Variants in CEP135 observed in about 807,000 individuals in gnomAD.
The protein encoded by CEP135 is centrosomal protein of 135 kDa.
A neutral mutation model predicts 157.3 loss-of-function variants in CEP135; 142 were observed. The observed-to-expected ratio is 0.90, with a 90% CI of 0.79 to 1.04. CEP135 has a LOEUF of 1.04. Ranked by LOEUF, CEP135 falls within the 50% of genes least tolerant of loss-of-function variation. The probability of loss-of-function intolerance (pLI) is 0.00; values close to 1 mark genes in which losing one functional copy is unlikely to be tolerated. For synonymous variants in CEP135, 396 were observed against 439.8 expected (o/e 0.90, Z 1.25); for missense variants, 1,317 against 1,309.2 (o/e 1.01, Z -0.09).
chr4:56,012,043 GA>G, intron 21 of CEP135, 58 bp downstream of exon 21: 2 of 1,018,582 alleles, frequency 2.0e-6, no homozygotes, highest in Non-Finnish European at 2.7e-6. Context: ...AACATTCAAA[GA>G]TACTTTATTT....
intron 6 of CEP135, among the ~76,000 whole-genome samples, chr4:55,961,764 T>TAAAAAAAAAAA (rs564116620): frequency 7.4e-5 from 4 of 54,210 alleles, no homozygotes; most frequent in East Asian, 1.9e-3. Context: ...AAACTCTGTC[T>TAAAAAAAAAAA]AAAAAAAAAA....
chr4:55,981,494 G>A (rs977159122), intron 13 of CEP135, 115 bp downstream of exon 13: 13 of 769,622 alleles, frequency 1.7e-5, no homozygotes, highest in Non-Finnish European at 2.6e-5. Context: ...GTTTATGTAT[G>A]GCCTGTGAGC....
intron 23 of CEP135, among the ~76,000 whole-genome samples, chr4:56,020,331 G>A (rs1730932062): frequency 6.6e-6 from 1 of 152,116 alleles, no homozygotes; most frequent in Admixed American, 6.5e-5. Flanking sequence ...AGTACACATG[G>A]AAGAATGAGC....
chr4:56,003,400 G>T (rs1730245516), intron 17 of CEP135, among the ~76,000 whole-genome samples: 1 of 152,098 alleles, frequency 6.6e-6, no homozygotes. Context: ...AGTAGAGATG[G>T]GGTTTCACCA....
intron 19 of CEP135, among the ~76,000 whole-genome samples, chr4:56,011,198 G>A (rs894123912): frequency 1.3e-5 from 2 of 152,174 alleles, no homozygotes; most frequent in Non-Finnish European, 2.9e-5. Flanking sequence ...TCACGCCATT[G>A]CACTTCAGTC....
At chr4:55,967,228 C>T (rs1359191291) in intron 8 of CEP135, among the ~76,000 whole-genome samples, 2 of 151,938 alleles carry the variant, frequency 1.3e-5, no homozygotes, top group Non-Finnish European at 2.9e-5. Flanking sequence ...GTCATCATTA[C>T]AATTATTAAT....
intron 25 of CEP135, among the ~76,000 whole-genome samples, chr4:56,025,247 C>A (rs774375166): frequency 1.3e-5 from 2 of 152,162 alleles, no homozygotes; most frequent in African/African-American, 2.4e-5. Flanking sequence ...TCTTGAGTAG[C>A]TGGGACTACA....
intron 10 of CEP135, among the ~76,000 whole-genome samples, chr4:55,973,912 C>T (rs1729107601): frequency 6.6e-6 from 1 of 152,190 alleles, no homozygotes; most frequent in African/African-American, 2.4e-5. Flanking sequence ...GCTTATTTGA[C>T]TGCATTTAAT....
chr4:55,996,625 A>T (rs1288606668), intron 15 of CEP135, among the ~76,000 whole-genome samples: 1 of 152,126 alleles, frequency 6.6e-6, no homozygotes, highest in African/African-American at 2.4e-5. Flanking sequence ...AAGAGATGAT[A>T]CTTATTCATC....
At chr4:56,010,475 C>T (rs1730543968) in intron 19 of CEP135, among the ~76,000 whole-genome samples, 1 of 151,788 alleles carries the variant, frequency 6.6e-6, no homozygotes, top group Non-Finnish European at 1.5e-5. Flanking sequence ...GGTCTTCTCA[C>T]CATTTTGGTC....
intron 13 of CEP135, among the ~76,000 whole-genome samples, chr4:55,982,965 A>G (rs1729462155): frequency 6.6e-6 from 1 of 152,190 alleles, no homozygotes; most frequent in Non-Finnish European, 1.5e-5. Context: ...TGCAATCAGT[A>G]TTATTGAATT....
In CEP135 at chr4:55,964,443, G is replaced by T. The variant is rs751061097; in HGVS notation, c.828+41G>T. ...ATTATTTCACTGAGTGTATATAATG[G>T]TGTTTATAATAAACACTATATGTTT... On this transcript the variant is annotated intron_variant, in intron 7 of 25. Transcript: ENST00000257287. The T allele has an allele frequency of 1.4e-5, 21 of 1,494,174 alleles. No individual in the cohort carries two copies. In the Middle Eastern group the frequency reaches 5.2e-4, roughly 37 times the overall value. 92.6% of individuals were successfully genotyped at this position (1,494,174 alleles called of 1,614,324 possible).
intron 14 of CEP135, among the ~76,000 whole-genome samples, chr4:55,986,641 G>A (rs898519281): frequency 7.9e-5 from 12 of 152,224 alleles, no homozygotes; most frequent in Non-Finnish European, 1.2e-4. Context: ...TAACAATTTG[G>A]TATGTTTCTG....
intron 3 of CEP135, among the ~76,000 whole-genome samples, chr4:55,953,933 AATT>A (rs990815926): frequency 1.1e-4 from 16 of 152,234 alleles, no homozygotes; most frequent in African/African-American, 3.6e-4. Flanking sequence ...CCATGGTATG[AATT>A]CATAATCCTT....
chr4:56,001,685 G>A (rs746088612), intron 17 of CEP135, among the ~76,000 whole-genome samples: 2 of 152,012 alleles, frequency 1.3e-5, no homozygotes, highest in African/African-American at 2.4e-5. Flanking sequence ...CAGTTAGTGC[G>A]ATCTCCAGCT....
intron 13 of CEP135, among the ~76,000 whole-genome samples, chr4:55,983,564 G>A (rs1468678804): frequency 6.6e-6 from 1 of 151,856 alleles, no homozygotes; most frequent in Non-Finnish European, 1.5e-5. Flanking sequence ...CCCTTCCCAT[G>A]TGAGAGGCTC....
At position 55,974,680 on chromosome 4, in the gene CEP135, A is replaced by G. The variant is rs2290014; in HGVS notation, c.1250-66A>G. The stretch of plus-strand genomic sequence containing the variant: ...TTTCATTCTAAAAGTTATTAATATA[A>G]TTTACTTGACTAATCAACATTATGT... On this transcript the variant is annotated intron_variant, in intron 10 of 25. Coordinates refer to ENST00000257287, the MANE Select transcript of CEP135 (RefSeq NM_025009.5). 287,850 of 1,179,434 alleles carry G rather than the reference A, an allele frequency of 0.24. 36,802 individuals carry two copies. Among genetic ancestry groups the G allele is most frequent in the Non-Finnish European group, 0.27 (221,366 of 828,940 alleles). 73.1% of individuals were successfully genotyped at this position (1,179,434 alleles called of 1,614,324 possible). A position where few individuals can be genotyped will look rare whatever the true frequency, so the allele number is the denominator to read the frequency against.
At chr4:56,022,677 A>G (rs17741976) in intron 24 of CEP135, among the ~76,000 whole-genome samples, 10,519 of 152,190 alleles carry the variant, frequency 0.069, 491 homozygotes, top group Middle Eastern at 0.082. Flanking sequence ...CATAATCCCC[A>G]TTCTTGGTGG....
chr4:56,003,280 C>T (rs968250280), intron 17 of CEP135, among the ~76,000 whole-genome samples: 18 of 152,012 alleles, frequency 1.2e-4, no homozygotes, highest in African/African-American at 3.1e-4. Context: ...CTCCGCCTCC[C>T]GGGTTCATGC....
Sources: allele counts gnomAD v4.1 joint callset (sites outside exome capture counted in the v4.1 genomes callset), GRCh38; gene constraint gnomAD v4.1.1; transcripts MANE v1.5; gene names NCBI Gene and HGNC (gene_info 2026-07-23, HGNC 2026-07-21).